KCTD21: variants seen among roughly 807,000 people sequenced by gnomAD.
KCTD21 encodes potassium channel tetramerization domain containing 21.
KCTD21 carries 9 observed loss-of-function variants against 13.2 expected under a neutral mutation model. The observed-to-expected ratio is 0.68, with a 90% CI of 0.41 to 1.19. KCTD21 has a LOEUF of 1.19. Among genes scored for constraint, KCTD21 ranks in the 50% most tolerant of loss-of-function variants. KCTD21 has a pLI of 0.01. For synonymous variants in KCTD21, 142 were observed against 137.4 expected, an observed-to-expected ratio of 1.03 and a Z score of -0.23; for missense variants, 303 against 336.5, an observed-to-expected ratio of 0.90 and a Z score of 0.78.
chr11:78,181,048 AC>A (rs1862602347), intron 1 of KCTD21, among the ~76,000 whole-genome samples: 1 of 152,180 alleles, frequency 6.6e-6, no homozygotes, highest in Middle Eastern at 3.2e-3. Flanking sequence ...GTCCTGTGGA[AC>A]CGTGAGTCAA....
At chr11:78,180,147 G>A (rs1862573924) in intron 1 of KCTD21, among the ~76,000 whole-genome samples, 1 of 152,208 alleles carries the variant, frequency 6.6e-6, no homozygotes, top group Non-Finnish European at 1.5e-5. Flanking sequence ...ATTAGGCAAA[G>A]ATTTCTTGGA....
In KCTD21 at chr11:78,174,477, G is replaced by T. The variant is rs1323166470; in HGVS notation, c.78C>A (p.Asp26Glu). The change falls in exon 2 of 2, where the codon GAC becomes GAA. Residue 26 changes from aspartate to glutamate, a missense_variant. Physicochemically the swap from Asp to Glu is conservative, Grantham distance 45. Transcript: ENST00000340067. Reference sequence around the variant, plus strand: ...CGCTGAACATGGCGCCTAGCATGGAGTCAGGGAAGCTGGTCAGGGTCGCCA... The same window carrying T: ...CGCTGAACATGGCGCCTAGCATGGATTCAGGGAAGCTGGTCAGGGTCGCCA... ...TSLATLTSFP[D>E]SMLGAMFSGK... 1.2e-6 allele frequency: 2 copies of T among 1,614,028 alleles called. No individual in the cohort carries two copies. Among genetic ancestry groups the T allele is most frequent in the African/African-American group, 2.7e-5 (2 of 74,908 alleles).
rs1178706956 is a variant in KCTD21 at position 78,174,008 on chromosome 11, G to A, written c.547C>T (p.His183Tyr). 2 of 1,614,114 alleles carry A rather than the reference G, an allele frequency of 1.2e-6. No individual in the cohort carries two copies. The highest frequency in any genetic ancestry group is 1.7e-5 in the Admixed American group (1 of 60,002). The change falls in exon 2 of 2, where the codon CAC becomes TAC. Residue 183 changes from histidine (H) to tyrosine (Y), a missense_variant. Coordinates refer to ENST00000340067, the MANE Select transcript of KCTD21 (RefSeq NM_001029859.3). Reference protein sequence around the residue: ...SITSHLQDPNHLTLDWVANVE... With the variant: ...SITSHLQDPNYLTLDWVANVE... ...TTGGCCACCCAGTCCAGAGTCAGGT[G>A]GTTGGGGTCCTGCAAGTGGCTGGTG...
intron 1 of KCTD21, among the ~76,000 whole-genome samples, chr11:78,182,624 T>G (rs519640): frequency 0.1 from 15,421 of 152,134 alleles, 889 homozygotes; most frequent in East Asian, 0.28. Context: ...CAGGACCGAT[T>G]ACATTGTCTT....
chr11:78,183,845 C>A (rs1367678990), intron 1 of KCTD21, among the ~76,000 whole-genome samples: 1 of 151,930 alleles, frequency 6.6e-6, no homozygotes, highest in East Asian at 1.9e-4. Context: ...CCTTGTTAGC[C>A]AGGATGGTCT....
chr11:78,181,917 T>A (rs1410012912), intron 1 of KCTD21, among the ~76,000 whole-genome samples: 1 of 152,244 alleles, frequency 6.6e-6, no homozygotes, highest in Non-Finnish European at 1.5e-5. Flanking sequence ...TATATTGTTG[T>A]GAAACTTTTG....
chr11:78,184,662 T>C (rs946373799), intron 1 of KCTD21, among the ~76,000 whole-genome samples: 1 of 152,198 alleles, frequency 6.6e-6, no homozygotes, highest in Non-Finnish European at 1.5e-5. Context: ...AATGAGTTGA[T>C]AAAAGAGATA....
chr11:78,179,947 A>G (rs1253587269), intron 1 of KCTD21, among the ~76,000 whole-genome samples: 2 of 152,040 alleles, frequency 1.3e-5, no homozygotes, highest in Non-Finnish European at 2.9e-5. Flanking sequence ...ACCTGCAGCG[A>G]TCTCCTTTGC....
chr11:78,183,284 T>A (rs984506970), intron 1 of KCTD21, among the ~76,000 whole-genome samples: 2 of 152,000 alleles, frequency 1.3e-5, no homozygotes, highest in Non-Finnish European at 2.9e-5. Flanking sequence ...GCCTGTAATC[T>A]CAGCACTTTG....
intron 1 of KCTD21, among the ~76,000 whole-genome samples, chr11:78,180,473 C>T (rs965750625): frequency 1.5e-4 from 23 of 152,106 alleles, no homozygotes; most frequent in African/African-American, 4.8e-4. Context: ...ACAGCCTGGC[C>T]GACATGGTGA....
At chr11:78,180,032 C>A (rs958757856) in intron 1 of KCTD21, among the ~76,000 whole-genome samples, 2 of 152,182 alleles carry the variant, frequency 1.3e-5, no homozygotes, top group African/African-American at 4.8e-5. Context: ...GAACCTTGGT[C>A]CATCTCTTAT....
intron 1 of KCTD21, chr11:78,187,538 AG>A: frequency 1.0e-6 from 1 of 985,336 alleles, no homozygotes; most frequent in Non-Finnish European, 1.2e-6. Context: ...ACCATCCCCC[AG>A]CCCCTTCCAG....
chr11:78,178,610 G>C (rs906283365), intron 1 of KCTD21, among the ~76,000 whole-genome samples: 4 of 152,244 alleles, frequency 2.6e-5, no homozygotes, highest in Admixed American at 2.6e-4. Flanking sequence ...GATGCCTCCT[G>C]GCCACCTCCA....
At chr11:78,181,305 C>A (rs1350173336) in intron 1 of KCTD21, among the ~76,000 whole-genome samples, 1 of 152,160 alleles carries the variant, frequency 6.6e-6, no homozygotes, top group Non-Finnish European at 1.5e-5. Context: ...TACATCCATA[C>A]AATAGAATAT....
rs974764553 is a variant in KCTD21 at position 78,188,583 on chromosome 11, C to A, written c.-40G>T. ...CCGTGCCGCACCCACCTCCTGCCCT[C>A]GCTCTGCAGCCTCTCCCTCCGCGAG... On this transcript the variant is annotated 5_prime_UTR_variant, in exon 1 of 2. Transcript: ENST00000340067. The A allele has an allele frequency of 9.9e-5, 98 of 985,596 alleles. No individual in the cohort carries two copies. The African/African-American group carries it at 1.6e-3, about 16-fold the overall frequency. 61.1% of individuals were successfully genotyped at this position (985,596 alleles called of 1,614,324 possible).
chr11:78,186,780 G>A, intron 1 of KCTD21: 1 of 985,440 alleles, frequency 1.0e-6, no homozygotes, highest in Non-Finnish European at 1.2e-6. Flanking sequence ...GCATCGGCCA[G>A]GTCTCTCAGC....
intron 1 of KCTD21, among the ~76,000 whole-genome samples, chr11:78,184,462 G>C (rs1016979349): frequency 1.3e-5 from 2 of 151,598 alleles, no homozygotes; most frequent in African/African-American, 4.8e-5. Context: ...TCAGCCTCCT[G>C]AGTAGCTGGG....
In KCTD21 at chr11:78,174,466, C is replaced by CCTA; in HGVS notation, c.86_88dup (p.Leu29_Gly30insVal). 6.2e-7 allele frequency: 1 copy of CCTA among 1,614,118 alleles called. No individual in the cohort carries two copies. The highest frequency in any genetic ancestry group is 8.5e-7 in the Non-Finnish European group (1 of 1,180,036). ...GGGCATCTTCCCGCTGAACATGGCG[C>CCTA]CTAGCATGGAGTCAGGGAAGCTGGT... On this transcript the variant is annotated inframe_insertion, in exon 2 of 2. Transcript: ENST00000340067.
rs1001375840 is a variant in KCTD21 at position 78,188,575 on chromosome 11, C to A, written c.-32G>T. On this transcript the variant is annotated splice_region_variant and 5_prime_UTR_variant, in exon 1 of 2. Coordinates refer to ENST00000340067, the MANE Select transcript of KCTD21 (RefSeq NM_001029859.3). ...GACCCCGGCCGTGCCGCACCCACCT[C>A]CTGCCCTCGCTCTGCAGCCTCTCCC... 1 of 985,538 alleles carries A rather than the reference C, an allele frequency of 1.0e-6. No homozygotes were observed. The highest frequency in any genetic ancestry group is 1.2e-6 in the Non-Finnish European group (1 of 830,170). 61.0% of individuals were successfully genotyped at this position (985,538 alleles called of 1,614,324 possible).
Sources: gnomAD v4.1 joint callset for allele counts (sites outside exome capture counted in the v4.1 genomes callset) on GRCh38, gnomAD v4.1.1 for gene constraint, MANE v1.5 for transcripts, NCBI Gene and HGNC (gene_info 2026-07-23, HGNC 2026-07-21) for gene names.